TBC1D20: variants seen among roughly 807,000 people sequenced by gnomAD.
The protein encoded by TBC1D20 is TBC1 domain family member 20, also known as chromosome 20 open reading frame 140.
Under a neutral mutation model 41.6 loss-of-function variants are expected in TBC1D20, and 12 were observed. That is an observed-to-expected ratio of 0.29 (90% CI 0.18 to 0.47). The LOEUF (loss-of-function observed/expected upper bound fraction) is 0.47, where lower values mean the gene tolerates loss of function less well. Ranked by LOEUF, TBC1D20 falls within the 20% of genes least tolerant of loss-of-function variation. TBC1D20 has a pLI of 1.00. For missense variants in TBC1D20, 421 were observed against 517.4 expected, an observed-to-expected ratio of 0.81 and a Z score of 1.81; for synonymous variants, 205 against 204.8, an observed-to-expected ratio of 1.00 and a Z score of -0.01.
At position 436,176 on chromosome 20, in the gene TBC1D20, C is replaced by T. The variant is rs2017114538; in HGVS notation, c.*2410G>A. ...TAGCCAGTCAAGGCTGACCAGGAGT[C>T]CACAGACCATGGCACAGTTCTGGGC... On this transcript the variant is annotated 3_prime_UTR_variant, in exon 8 of 8. Transcript: ENST00000354200. 6.6e-6 allele frequency: 1 copy of T among 152,208 alleles called. No individual in the cohort carries two copies. Among genetic ancestry groups the T allele is most frequent in the Non-Finnish European group, 1.5e-5 (1 of 68,054 alleles). 9.4% of individuals were successfully genotyped at this position (152,208 alleles called of 1,614,324 possible).
At chr20:459,150 A>G (rs2017590294) in intron 1 of TBC1D20, among the ~76,000 whole-genome samples, 4 of 152,256 alleles carry the variant, frequency 2.6e-5, no homozygotes, top group Admixed American at 2.6e-4. Flanking sequence ...CAGCGTCTCC[A>G]CTGAAAGACA....
rs986234027 is a variant in TBC1D20 at position 439,611 on chromosome 20, G to A, written c.769-316C>T. On this transcript the variant is annotated intron_variant, in intron 6 of 7. Transcript: ENST00000354200. This position sits in a 1 kb window ranked among gnomAD's most constrained non-coding sequence, Gnocchi z 4.6. Reference sequence around the variant, plus strand: ...AAAGAAATGAAGGAGATTCTTTTAGGAGAAAGTAGGAGAATTATTGGGAGA... The same window carrying A: ...AAAGAAATGAAGGAGATTCTTTTAGAAGAAAGTAGGAGAATTATTGGGAGA... Among the ~76,000 whole-genome samples, 15 of 152,180 alleles carry A rather than the reference G, an allele frequency of 9.9e-5. No homozygotes were observed. Among genetic ancestry groups the A allele is most frequent in the Admixed American group, 8.5e-4 (13 of 15,282 alleles).
chr20:440,074 T>G (rs1036716881), intron 6 of TBC1D20, among the ~76,000 whole-genome samples, 174 bp downstream of exon 6: 2 of 152,212 alleles, frequency 1.3e-5, no homozygotes, highest in Admixed American at 1.3e-4. Flanking sequence ...CAACTTACTA[T>G]TTTTTGTGTG....
rs776916536 is a variant in TBC1D20 at position 439,250 on chromosome 20, T to C, written c.814A>G (p.Met272Val). The C allele has an allele frequency of 1.9e-6, 3 of 1,614,024 alleles. No individual in the cohort carries two copies. Among genetic ancestry groups the C allele is most frequent in the Non-Finnish European group, 2.5e-6 (3 of 1,179,950 alleles). The change falls in exon 7 of 8, where the codon ATG becomes GTG. Residue 272 changes from methionine to valine, a missense_variant. Physicochemically the swap from Met to Val is conservative, Grantham distance 21 (BLOSUM62 1). Transcript: ENST00000354200. The surrounding 1 kb of genome is among the most constrained non-coding windows in gnomAD (Gnocchi z 4.6). ...EQEVLDCDCDMASVHHLLSQI... is the reference protein window; with the variant it reads ...EQEVLDCDCDVASVHHLLSQI... ...GACAACAGGTGGTGGACCGAGGCCA[T>C]GTCACAGTCACAGTCCAGGACTTCC...
In TBC1D20 at chr20:438,795, G is replaced by C. The variant is rs1301889721; in HGVS notation, c.1003C>G (p.Gln335Glu). The change falls in exon 8 of 8, where the codon CAG (glutamine) becomes GAG (glutamate). Residue 335 changes from glutamine (Q) to glutamate (E), a missense_variant. This residue lies in a region of TBC1D20 where 161 missense variants were observed against 182.7 expected (regional missense o/e 0.88). Transcript: ENST00000354200. ...TGCCGCAGCACCATATCAGGCCTCTGCTGGGCTGATGCCAGCTCAAAGTCT... is the reference window on the plus strand; with the variant it reads ...TGCCGCAGCACCATATCAGGCCTCTCCTGGGCTGATGCCAGCTCAAAGTCT... ...FKDFELASAQ[Q>E]RPDMVLRQRF... 1 of 1,614,234 alleles carries C rather than the reference G, an allele frequency of 6.2e-7. No homozygotes were observed. Among genetic ancestry groups the C allele is most frequent in the Non-Finnish European group, 8.5e-7 (1 of 1,180,038 alleles).
chr20:461,894 C>G (rs542082285), intron 1 of TBC1D20, among the ~76,000 whole-genome samples: 310 of 152,344 alleles, frequency 2.0e-3, no homozygotes, highest in Non-Finnish European at 3.6e-3. Flanking sequence ...CGGCGGTACG[C>G]GGGCAGCGCG....
chr20:443,420 A>C (rs528415485), intron 3 of TBC1D20, among the ~76,000 whole-genome samples: 2 of 152,282 alleles, frequency 1.3e-5, no homozygotes, highest in African/African-American at 4.8e-5. Flanking sequence ...AGGTTAGAAG[A>C]ATGGCACATG....
intron 1 of TBC1D20, among the ~76,000 whole-genome samples, chr20:461,755 C>T (rs533322285): frequency 3.9e-5 from 6 of 152,330 alleles, no homozygotes; most frequent in African/African-American, 9.6e-5. Flanking sequence ...CCGGGGAACG[C>T]GGAGTGCCTA....
At chr20:457,528 C>T (rs985761271) in intron 1 of TBC1D20, among the ~76,000 whole-genome samples, 3 of 152,128 alleles carry the variant, frequency 2.0e-5, no homozygotes, top group African/African-American at 2.4e-5. Flanking sequence ...GGCTCTGGTA[C>T]GTTCTTAAAG....
chr20:450,236 T>C (rs1432347956), intron 1 of TBC1D20, among the ~76,000 whole-genome samples: 2 of 151,596 alleles, frequency 1.3e-5, no homozygotes, highest in Non-Finnish European at 2.9e-5. Flanking sequence ...GCAACCTCCC[T>C]GTCCCAGGTT....
chr20:442,779 G>A (rs1483480787), intron 3 of TBC1D20, among the ~76,000 whole-genome samples: 2 of 152,174 alleles, frequency 1.3e-5, no homozygotes, highest in Admixed American at 6.5e-5. Context: ...TGTGTAAAGC[G>A]AAGGAAAGAC....
chr20:440,439 C>T (rs1484849629), intron 5 of TBC1D20, 50 bp from the exon 6 acceptor site: 7 of 1,608,510 alleles, frequency 4.4e-6, no homozygotes, highest in Middle Eastern at 1.7e-4. Flanking sequence ...CATCCCTTCC[C>T]TCTCTCTGGG....
intron 1 of TBC1D20, among the ~76,000 whole-genome samples, chr20:460,434 CA>C (rs10580827): frequency 0.089 from 11,393 of 128,578 alleles, 528 homozygotes; most frequent in African/African-American, 0.18. Flanking sequence ...TCCCATCTCT[CA>C]AAAAAAAAAA....
At position 439,417 on chromosome 20, in the gene TBC1D20, T is replaced by C; in HGVS notation, c.769-122A>G. 1 of 697,692 alleles carries C rather than the reference T, an allele frequency of 1.4e-6. No individual in the cohort carries two copies. The highest frequency in any genetic ancestry group is 2.4e-6 in the Non-Finnish European group (1 of 412,756). 43.2% of individuals were successfully genotyped at this position (697,692 alleles called of 1,614,324 possible). A position where few individuals can be genotyped will look rare whatever the true frequency, so the allele number is the denominator to read the frequency against. ...AACAGACAGGACTCAGCCCAAATGT[T>C]GAGCAAACTCTTGTATCCATCAAGG... On this transcript the variant is annotated intron_variant, in intron 6 of 7. Coordinates refer to ENST00000354200, the MANE Select transcript of TBC1D20 (RefSeq NM_144628.4). This position sits in a 1 kb window ranked among gnomAD's most constrained non-coding sequence, Gnocchi z 4.6.
At chr20:444,333 A>G (rs2017291367) in intron 3 of TBC1D20, among the ~76,000 whole-genome samples, 1 of 152,286 alleles carries the variant, frequency 6.6e-6, no homozygotes, top group South Asian at 2.1e-4. Flanking sequence ...GCCAGGCCAG[A>G]GCACAGTGCA....
Position 454,005 on chromosome 20 carries a change from C to G in TBC1D20, c.71-5931G>C, listed in dbSNP as rs543366279. 5.4e-4 allele frequency among the ~76,000 whole-genome samples: 80 copies of G among 148,686 alleles called. 7 individuals carry two copies. Among genetic ancestry groups the G allele is most frequent in the Admixed American group, 4.5e-3 (67 of 15,048 alleles). On this transcript the variant is annotated intron_variant, in intron 1 of 7. Coordinates refer to ENST00000354200, the MANE Select transcript of TBC1D20 (RefSeq NM_144628.4). ...CCTGCAATTCCAGCAGTTTGGGAGG[C>G]CGAGGTGGGCAGATCATGAGGTCAG... is the stretch of plus-strand genomic sequence containing the variant.
chr20:461,992 G>T (rs2017639727), intron 1 of TBC1D20, among the ~76,000 whole-genome samples: 1 of 152,198 alleles, frequency 6.6e-6, no homozygotes, highest in African/African-American at 2.4e-5. Context: ...CGTGGCGGAC[G>T]CCTGGGACGG....
At chr20:449,823 C>T (rs1258259488) in intron 1 of TBC1D20, among the ~76,000 whole-genome samples, 1 of 152,176 alleles carries the variant, frequency 6.6e-6, no homozygotes, top group Non-Finnish European at 1.5e-5. Flanking sequence ...TACAAATCAA[C>T]CTACAGATAT....
intron 3 of TBC1D20, among the ~76,000 whole-genome samples, chr20:443,343 T>G (rs750015482): frequency 6.6e-6 from 1 of 152,186 alleles, no homozygotes; most frequent in Non-Finnish European, 1.5e-5. Context: ...CAGGAGTTCT[T>G]TCAGGGAGTT....
Sources: gnomAD v4.1 joint callset for allele counts (sites outside exome capture counted in the v4.1 genomes callset) on GRCh38, gnomAD v4.1.1 for gene constraint, gnomAD v4.1.1 regional missense constraint, Gnocchi (gnomAD v3.1) non-coding constraint, MANE v1.5 for transcripts, NCBI Gene and HGNC (gene_info 2026-07-23, HGNC 2026-07-21) for gene names.